ATP13A5: variants seen among roughly 807,000 people sequenced by gnomAD.
ATP13A5 encodes ATPase 13A5, also known as probable cation-transporting ATPase 13A5.
ATP13A5 carries 149 observed loss-of-function variants against 150.2 expected under a neutral mutation model. That is an observed-to-expected ratio of 0.99 (90% CI 0.87 to 1.14). ATP13A5 has a LOEUF of 1.14. Ranked by LOEUF, ATP13A5 falls within the 50% of genes most tolerant of loss-of-function variation. ATP13A5 has a pLI of 0.00. For missense variants in ATP13A5, 1,383 were observed against 1,449.3 expected (o/e 0.95, Z 0.74); for synonymous variants, 497 against 522.2 (o/e 0.95, Z 0.66).
intron 26 of ATP13A5, among the ~76,000 whole-genome samples, chr3:193,289,642 A>G (rs369305797): frequency 2.6e-5 from 4 of 152,232 alleles, no homozygotes; most frequent in Non-Finnish European, 4.4e-5. Context: ...ACCAGGGAAT[A>G]TATTCATTCA....
intron 12 of ATP13A5, among the ~76,000 whole-genome samples, chr3:193,329,190 G>A (rs563281183): frequency 2.5e-4 from 38 of 151,700 alleles, no homozygotes; most frequent in Non-Finnish European, 4.6e-4. Context: ...GTAGTGAGCT[G>A]AGATTGCACC....
chr3:193,368,920 A>G (rs772488123), intron 1 of ATP13A5, among the ~76,000 whole-genome samples: 9 of 152,224 alleles, frequency 5.9e-5, no homozygotes, highest in Non-Finnish European at 2.9e-5. Context: ...AAAAAGAAAG[A>G]CAAAACAAAT....
At chr3:193,288,814 A>G (rs887201499) in intron 26 of ATP13A5, among the ~76,000 whole-genome samples, 2 of 152,130 alleles carry the variant, frequency 1.3e-5, no homozygotes, top group African/African-American at 4.8e-5. Context: ...ATCTAGTCCA[A>G]TATACTTACA....
At chr3:193,358,571 G>C (rs963274346) in intron 5 of ATP13A5, among the ~76,000 whole-genome samples, 4 of 152,190 alleles carry the variant, frequency 2.6e-5, no homozygotes, top group African/African-American at 9.7e-5. Flanking sequence ...CACTTACACA[G>C]AGAATGTATC....
intron 27 of ATP13A5, among the ~76,000 whole-genome samples, chr3:193,280,525 T>C (rs1465136675): frequency 6.6e-6 from 1 of 152,208 alleles, no homozygotes; most frequent in Non-Finnish European, 1.5e-5. Flanking sequence ...TCTGGAACTC[T>C]GACTTGAAAA....
At chr3:193,361,594 C>T (rs1577371525) in intron 5 of ATP13A5, among the ~76,000 whole-genome samples, 1 of 152,168 alleles carries the variant, frequency 6.6e-6, no homozygotes, top group East Asian at 1.9e-4. Flanking sequence ...TTATAAGATT[C>T]TGGGGAAGAC....
intron 1 of ATP13A5, among the ~76,000 whole-genome samples, chr3:193,369,599 G>A (rs1435043899): frequency 2.3e-5 from 3 of 129,976 alleles, no homozygotes; most frequent in South Asian, 6.0e-4. Flanking sequence ...GAAATGCAGG[G>A]TAGAGGAGAG....
intron 25 of ATP13A5, among the ~76,000 whole-genome samples, chr3:193,298,188 T>A (rs980836741): frequency 2.0e-5 from 3 of 152,268 alleles, no homozygotes; most frequent in Middle Eastern, 6.8e-3. Context: ...TGGTGTTTTT[T>A]TTCTCTTTTT....
rs749140400 is a variant in ATP13A5, at chr3:193,322,536, C to T, written c.1713G>A (p.Gly571=). The T allele has an allele frequency of 6.2e-7, 1 of 1,613,802 alleles. No homozygotes were observed. Among genetic ancestry groups the T allele is most frequent in the South Asian group, 1.1e-5 (1 of 91,010 alleles). Residue 571 remains glycine (G), a synonymous_variant, in exon 15 of 30, where the codon GGG becomes GGA. Transcript: ENST00000342358. ...GTTTTATGATGTTTGAAACTGACGT[C>T]CCAAATTTGCAGGAGTCTACAATGC... ...EDCIVDSCKF[G]TSVSNIIKPG... is the part of the protein sequence containing the mutation.
rs977365136 is a variant in ATP13A5, at chr3:193,319,080, C to T, written c.1944G>A (p.Arg648=). Reference sequence around the variant, plus strand: ...CACGGAAGCCTTGCACCGTGTAACTCCTCAGTTCCTGTGGGAAATTCTTGG... The same window carrying T: ...CACGGAAGCCTTGCACCGTGTAACTTCTCAGTTCCTGTGGGAAATTCTTGG... The part of the protein sequence containing the change: ...TVPKNFPQEL[R]SYTVQGFRVI... Residue 648 remains arginine, a synonymous_variant, in exon 17 of 30, where the codon AGG becomes AGA. Coordinates refer to ENST00000342358, the MANE Select transcript of ATP13A5 (RefSeq NM_198505.4). 1.9e-6 allele frequency: 3 copies of T among 1,613,842 alleles called. No individual in the cohort carries two copies. The highest frequency in any genetic ancestry group is 2.5e-6 in the Non-Finnish European group (3 of 1,179,786).
intron 1 of ATP13A5, among the ~76,000 whole-genome samples, chr3:193,366,594 T>A (rs1352628): frequency 0.025 from 3,753 of 152,120 alleles, 140 homozygotes; most frequent in African/African-American, 0.086. Flanking sequence ...AAACATAGTT[T>A]TAAAAATTAT....
At chr3:193,332,615 T>C (rs1322179170) in intron 11 of ATP13A5, among the ~76,000 whole-genome samples, 1 of 152,150 alleles carries the variant, frequency 6.6e-6, no homozygotes, top group African/African-American at 2.4e-5. Context: ...TGCTGGGACA[T>C]CTTTTGCCCA....
At chr3:193,336,204 A>G (rs1711852432) in intron 9 of ATP13A5, among the ~76,000 whole-genome samples, 1 of 152,188 alleles carries the variant, frequency 6.6e-6, no homozygotes, top group Admixed American at 6.6e-5. Context: ...TCATTTTCCT[A>G]GTGATATGTA....
chr3:193,371,097 AGAT>A (rs1426311526), intron 1 of ATP13A5, among the ~76,000 whole-genome samples: 1 of 152,230 alleles, frequency 6.6e-6, no homozygotes, highest in Non-Finnish European at 1.5e-5. Flanking sequence ...GTGGGTCAAA[AGAT>A]GATGAGATGC....
At chr3:193,302,987 T>C (rs1432647422) in intron 23 of ATP13A5, among the ~76,000 whole-genome samples, 1 of 152,214 alleles carries the variant, frequency 6.6e-6, no homozygotes, top group Non-Finnish European at 1.5e-5. Context: ...AACAGTACAC[T>C]GCACTCATAA....
intron 28 of ATP13A5, among the ~76,000 whole-genome samples, chr3:193,278,047 A>T (rs1390378219): frequency 6.6e-6 from 1 of 151,896 alleles, no homozygotes. Context: ...CAAGTGATCC[A>T]CCCGCCTTGG....
chr3:193,327,362 G>A (rs1719503145), intron 12 of ATP13A5, among the ~76,000 whole-genome samples: 1 of 152,146 alleles, frequency 6.6e-6, no homozygotes, highest in Admixed American at 6.5e-5. Context: ...TGTTAACCAG[G>A]AGAGGTTCAG....
At chr3:193,310,792 A>G in intron 20 of ATP13A5, 75 bp from the exon 21 acceptor site, 4 of 1,117,890 alleles carry the variant, frequency 3.6e-6, no homozygotes, top group Non-Finnish European at 5.2e-6. Flanking sequence ...CAGCCCTGAA[A>G]AATCACTCCT....
chr3:193,349,492 A>C (rs192509450), intron 7 of ATP13A5, among the ~76,000 whole-genome samples: 24 of 34,080 alleles, frequency 7.0e-4, no homozygotes, highest in Admixed American at 1.6e-3. Context: ...GGAAAGCAGA[A>C]ATATATTTGA....
Sources: gnomAD v4.1 joint callset for allele counts (sites outside exome capture counted in the v4.1 genomes callset) on GRCh38, gnomAD v4.1.1 for gene constraint, MANE v1.5 for transcripts, NCBI Gene and HGNC (gene_info 2026-07-23, HGNC 2026-07-21) for gene names.